Variants in OSGIN1 observed in about 807,000 individuals in gnomAD.
OSGIN1 encodes the protein oxidative stress induced growth inhibitor 1, also known as oxidative stress-induced growth inhibitor 1.
Under a neutral mutation model 20.1 loss-of-function variants are expected in OSGIN1, and 19 were observed. That is an observed-to-expected ratio of 0.95 (90% confidence interval 0.66 to 1.39). OSGIN1 has a LOEUF of 1.39. OSGIN1 is among the 40% of genes most tolerant of loss of function. The pLI, the probability that OSGIN1 is intolerant of heterozygous loss-of-function variation, is 0.00. For missense variants in OSGIN1, 820 were observed against 653.0 expected, an observed-to-expected ratio of 1.26 and a Z score of -2.79; for synonymous variants, 368 against 297.8, an observed-to-expected ratio of 1.24 and a Z score of -2.43.
intron 4 of OSGIN1, 30 bp downstream of exon 4, chr16:83,960,790 G>C (rs532605736): frequency 1.2e-6 from 2 of 1,605,328 alleles, no homozygotes; most frequent in African/African-American, 1.3e-5. Flanking sequence ...CATGGCTTGT[G>C]GGGGGCTCTC....
At position 83,960,989 on chromosome 16, in the gene OSGIN1, AG is replaced by A; in HGVS notation, c.407del (p.Gly136AlafsTer4). 1 of 1,613,220 alleles carries A rather than the reference AG, an allele frequency of 6.2e-7. No homozygotes were observed. The highest frequency in any genetic ancestry group is 8.5e-7 in the Non-Finnish European group (1 of 1,179,620). Reference protein sequence around the residue: ...LPGGAWHSIEGSMVILSQGQW... With the variant: ...LPGGAWHSIEXSMVILSQGQW... The stretch of plus-strand genomic sequence containing the variant: ...GGTTCCTTTCCCTGCAGTCCATCGA[AG>A]GCTCCATGGTGATCCTGAGCCAAGG... On this transcript the variant is annotated frameshift_variant, in exon 5 of 6. Transcript: ENST00000393306. LOFTEE classifies it high-confidence loss of function.
At chr16:83,958,244 G>C (rs1293797899) in intron 2 of OSGIN1, among the ~76,000 whole-genome samples, 1 of 152,210 alleles carries the variant, frequency 6.6e-6, no homozygotes, top group Non-Finnish European at 1.5e-5. Flanking sequence ...GCCAGTGCTA[G>C]GCTTAGCAGT....
intron 3 of OSGIN1, among the ~76,000 whole-genome samples, 163 bp from the exon 4 acceptor site, chr16:83,960,406 A>G (rs941569215): frequency 6.6e-6 from 1 of 152,172 alleles, no homozygotes; most frequent in Non-Finnish European, 1.5e-5. Flanking sequence ...AAAGACCTCA[A>G]AACGAGAGCT....
intron 1 of OSGIN1, chr16:83,954,627 C>A (rs570237346): frequency 9.8e-6 from 3 of 304,638 alleles, no homozygotes; most frequent in Non-Finnish European, 1.5e-5. Flanking sequence ...TCACTCTGAA[C>A]GGGAAGTGAC....
chr16:83,957,752 C>A lies in OSGIN1; in HGVS notation c.67+14C>A, dbSNP rs1324431751. On this transcript the variant is annotated intron_variant, in intron 2 of 5. Transcript: ENST00000393306. ...TCATCATTGTGGGTGAGTGTCAGGC[C>A]CCAGCCAGGGAGGGGCTCCGCTGAG... 1 of 1,524,950 alleles carries A rather than the reference C, an allele frequency of 6.6e-7. No individual in the cohort carries two copies. The allele number at this position is 1,524,950 out of a possible 1,614,324, so 94.5% of individuals were successfully genotyped here.
In OSGIN1 at chr16:83,962,750, GAC is replaced by G. The variant is rs369533280; in HGVS notation, c.488+1680_488+1681del. Among the ~76,000 whole-genome samples the G allele has an allele frequency of 1.2e-3, 178 of 152,328 alleles. 1 individual carries two copies. Among genetic ancestry groups the G allele is most frequent in the African/African-American group, 3.9e-3 (164 of 41,570 alleles). ...CAGGGAGGGGTGTTTCCAGGTCTCA[GAC>G]AGGTGAGAGACAAACGGTTGCATTC... On this transcript the variant is annotated intron_variant, in intron 5 of 5. Transcript: ENST00000393306.
intron 5 of OSGIN1, among the ~76,000 whole-genome samples, chr16:83,962,741 C>T (rs991292958): frequency 6.6e-6 from 1 of 152,136 alleles, no homozygotes; most frequent in Non-Finnish European, 1.5e-5. Context: ...GGGGTGTTTC[C>T]AGGTCTCAGA....
At chr16:83,959,831 C>G (rs1909118551) in intron 3 of OSGIN1, among the ~76,000 whole-genome samples, 1 of 151,282 alleles carries the variant, frequency 6.6e-6, no homozygotes, top group South Asian at 2.2e-4. Context: ...ATTTGGATGA[C>G]TTTGTTCTGG....
rs1211754512 is a variant in OSGIN1, at chr16:83,961,087, G to A, written c.488+15G>A. On this transcript the variant is annotated intron_variant, in intron 5 of 5. Transcript: ENST00000393306. Reference sequence around the variant, plus strand: ...AAGAAGCGAAGGTGAGGCCGCCCCGGAACGCCTTGGGGGACACGGAAGGTT... The same window carrying A: ...AAGAAGCGAAGGTGAGGCCGCCCCGAAACGCCTTGGGGGACACGGAAGGTT... The A allele has an allele frequency of 1.9e-6, 3 of 1,603,500 alleles. No individual in the cohort carries two copies. The South Asian group carries it at 3.3e-5, about 18-fold the overall frequency.
intron 2 of OSGIN1, 94 bp from the exon 3 acceptor site, chr16:83,959,166 T>G: frequency 1.2e-6 from 1 of 824,022 alleles, no homozygotes; most frequent in Non-Finnish European, 2.0e-6. Flanking sequence ...GAAGGATAAA[T>G]GAATGAATGC....
chr16:83,959,567 C>A (rs1316935596), intron 3 of OSGIN1, among the ~76,000 whole-genome samples, 171 bp downstream of exon 3: 2 of 152,172 alleles, frequency 1.3e-5, no homozygotes, highest in African/African-American at 4.8e-5. Flanking sequence ...AATCAGAGAC[C>A]CACAAATGCC....
chr16:83,953,290 A>T lies in OSGIN1; in HGVS notation c.-113A>T, dbSNP rs1369783094. On this transcript the variant is annotated 5_prime_UTR_variant, in exon 1 of 6. Coordinates refer to ENST00000393306, the MANE Select transcript of OSGIN1 (RefSeq NM_182981.3). Reference sequence around the variant, plus strand: ...AATGGGTGTCCCGATCTCGCGGGGGACTCTGTGATCCGTGTTCCCCTGACC... The same window carrying T: ...AATGGGTGTCCCGATCTCGCGGGGGTCTCTGTGATCCGTGTTCCCCTGACC... 1 of 1,287,568 alleles carries T rather than the reference A, an allele frequency of 7.8e-7. No homozygotes were observed. The highest frequency in any genetic ancestry group is 2.3e-5 in the Admixed American group (1 of 43,422). The allele number at this position is 1,287,568 out of a possible 1,614,324, so 79.8% of individuals were successfully genotyped here.
intron 1 of OSGIN1, among the ~76,000 whole-genome samples, chr16:83,955,898 C>T (rs537206133): frequency 7.2e-5 from 11 of 152,134 alleles, no homozygotes; most frequent in Non-Finnish European, 1.3e-4. Context: ...AGACAGGACA[C>T]GGAGGCTGTC....
At position 83,960,735 on chromosome 16, in the gene OSGIN1, G is replaced by C. The variant is rs747452671; in HGVS notation, c.371G>C (p.Arg124Pro). The C allele has an allele frequency of 1.9e-6, 3 of 1,613,186 alleles. No homozygotes were observed. Among genetic ancestry groups the C allele is most frequent in the Non-Finnish European group, 1.7e-6 (2 of 1,180,008 alleles). Residue 124 changes from arginine (R) to proline (P), a missense_variant, in exon 4 of 6, where the codon CGG (arginine) becomes CCG (proline). Arg to Pro is a moderately radical substitution (Grantham distance 103, BLOSUM62 -2). Coordinates refer to ENST00000393306, the MANE Select transcript of OSGIN1 (RefSeq NM_182981.3). ...GCCATCCCCCACGTGGTTCTGGGCC[G>C]GAACCTCCCCGGGGGAGCCTGGCAC... ...EHAIPHVVLG[R>P]NLPGGAWHSI...
chr16:83,961,620 T>C (rs1385197701), intron 5 of OSGIN1, among the ~76,000 whole-genome samples: 13 of 152,130 alleles, frequency 8.5e-5, no homozygotes, highest in Non-Finnish European at 1.0e-4. Flanking sequence ...ATCTGGTCTG[T>C]CTTCCTCTTC....
rs1165816029 is a variant in OSGIN1, at chr16:83,959,413, C to A, written c.204+17C>A. On this transcript the variant is annotated intron_variant, in intron 3 of 5. Transcript: ENST00000393306. ...CTGGACCAGGTGGGTCAGCCTGGGG[C>A]CAGAGCTCTGGGTAGTACATACCCG... is the stretch of plus-strand genomic sequence containing the variant. 2 of 1,612,760 alleles carry A rather than the reference C, an allele frequency of 1.2e-6. No individual in the cohort carries two copies. Among genetic ancestry groups the A allele is most frequent in the Non-Finnish European group, 8.5e-7 (1 of 1,179,394 alleles).
In OSGIN1 at chr16:83,966,002, C is replaced by A; in HGVS notation, c.1429C>A (p.Pro477Thr). Residue 477 changes from proline (P) to threonine (T), a missense_variant, in exon 6 of 6, where the codon CCC (proline) becomes ACC (threonine). By Grantham distance (38) the Pro-to-Thr change is conservative. Coordinates refer to ENST00000393306, the MANE Select transcript of OSGIN1 (RefSeq NM_182981.3). Reference protein sequence around the residue: ...SLLRKETRKPP With the variant: ...SLLRKETRKPT ...GCTAAGGAAGGAGACCAGGAAGCCA[C>A]CCTAACACTCGGCCAGACCCGCTGG... The A allele has an allele frequency of 6.4e-7, 1 of 1,559,058 alleles. No individual in the cohort carries two copies. Among genetic ancestry groups the A allele is most frequent in the Non-Finnish European group, 8.7e-7 (1 of 1,153,984 alleles).
chr16:83,960,475 C>G (rs748796088), intron 3 of OSGIN1, 94 bp from the exon 4 acceptor site: 2 of 975,248 alleles, frequency 2.1e-6, no homozygotes, highest in Non-Finnish European at 3.1e-6. Flanking sequence ...GGAAATGGCC[C>G]GGCCCCAGTC....
intron 5 of OSGIN1, 184 bp downstream of exon 5, chr16:83,961,256 C>A (rs1028958547): frequency 1.7e-6 from 1 of 587,274 alleles, no homozygotes; most frequent in Non-Finnish European, 3.0e-6. Flanking sequence ...TGGTTTTATA[C>A]ATTTTAGGGA....
Sources: allele counts gnomAD v4.1 joint callset (sites outside exome capture counted in the v4.1 genomes callset), GRCh38; gene constraint gnomAD v4.1.1; transcripts MANE v1.5; gene names NCBI Gene and HGNC (gene_info 2026-07-23, HGNC 2026-07-21).